The following KANK2 variants were observed in gnomAD, a reference collection of about 807,000 sequenced individuals.
KANK2 encodes the protein KN motif and ankyrin repeat domains 2.
KANK2 carries 41 observed loss-of-function variants against 74.6 expected under a neutral mutation model. The observed-to-expected ratio is 0.55, with a 90% CI of 0.43 to 0.71. The LOEUF (loss-of-function observed/expected upper bound fraction) is 0.71, where lower values mean the gene tolerates loss of function less well. Among genes scored for constraint, KANK2 ranks in the 30% least tolerant of loss-of-function variants. The pLI is 0.00. For synonymous variants in KANK2, 537 were observed against 519.0 expected (o/e 1.03, Z -0.47); for missense variants, 1,148 against 1,196.4 (o/e 0.96, Z 0.60).
intron 7 of KANK2, 78 bp from the exon 8 acceptor site, chr19:11,176,067 C>T (rs1172533230): frequency 2.6e-5 from 29 of 1,127,166 alleles, no homozygotes; most frequent in Admixed American, 1.4e-4. Context: ...TTCTGCACCA[C>T]GTCACTCACA....
Position 11,192,942 on chromosome 19 carries a change from G to A in KANK2, c.1138C>T (p.Arg380Cys), listed in dbSNP as rs144821191. The A allele has an allele frequency of 1.1e-3, 1,748 of 1,614,152 alleles. No individual in the cohort carries two copies. The highest frequency in any genetic ancestry group is 1.4e-3 in the Non-Finnish European group (1,614 of 1,180,002). Residue 380 changes from arginine to cysteine, a missense_variant, in exon 4 of 13, where the codon CGC (arginine) becomes TGC (cysteine). Transcript: ENST00000586659. ...PGRPESPPVF[R>C]SQEVVETMCP... ...ATTGTCTCCACCACCTCCTGGCTGC[G>A]GAACACAGGTGGGCTCTCAGGCCTA...
rs573182862 is a variant in KANK2, at chr19:11,188,802, T to C, written c.1249+4029A>G. Among the ~76,000 whole-genome samples, 54 of 151,924 alleles carry C rather than the reference T, an allele frequency of 3.6e-4. 1 individual carries two copies. The South Asian group carries it at 0.011, about 32-fold the overall frequency. Reference sequence around the variant, plus strand: ...TTCAAGACCAGCCTGGCCAACATAGTGAAACCCCGTCTCTACTAAAAGTAC... The same window carrying C: ...TTCAAGACCAGCCTGGCCAACATAGCGAAACCCCGTCTCTACTAAAAGTAC... On this transcript the variant is annotated intron_variant, in intron 4 of 12. Transcript: ENST00000586659.
intron 4 of KANK2, among the ~76,000 whole-genome samples, chr19:11,187,816 G>A (rs961085982): frequency 1.3e-5 from 2 of 152,110 alleles, no homozygotes; most frequent in East Asian, 1.9e-4. Context: ...AGCTGGGCAC[G>A]GTGGCACACG....
At chr19:11,174,799 A>T in intron 8 of KANK2, 107 bp from the exon 9 acceptor site, 2 of 869,426 alleles carry the variant, frequency 2.3e-6, no homozygotes, top group Non-Finnish European at 3.6e-6. Flanking sequence ...CTTGTCCTGG[A>T]AAACGATCTC....
Position 11,192,543 on chromosome 19 carries a change from T to C in KANK2, c.1249+288A>G, listed in dbSNP as rs1331749388. The C allele has an allele frequency of 1.6e-5, 6 of 376,264 alleles. No individual in the cohort carries two copies. The Admixed American group carries it at 2.2e-4, about 14-fold the overall frequency. 23.3% of individuals were successfully genotyped at this position (376,264 alleles called of 1,614,324 possible). A position where few individuals can be genotyped will look rare whatever the true frequency, so the allele number is the denominator to read the frequency against. On this transcript the variant is annotated intron_variant, in intron 4 of 12. Transcript: ENST00000586659. ...TCCGCTTCCCTAGTTCAAGCGATTC[T>C]CCTGCCTCAGCCTCCTGGGTAGCTG... is the stretch of plus-strand genomic sequence containing the variant.
rs928112400 is a variant in KANK2, at chr19:11,170,928, T to C, written c.2212-680A>G. ...CCTCCACCTCCTGGGTCCAAGCAAC[T>C]CTCCTGCCTCAGCCTCCTGAGTAGC... On this transcript the variant is annotated intron_variant, in intron 10 of 12. Transcript: ENST00000586659. This position sits in a 1 kb window ranked among gnomAD's most constrained non-coding sequence, Gnocchi z 5.2. Among the ~76,000 whole-genome samples the C allele has an allele frequency of 1.3e-5, 2 of 151,994 alleles. No homozygotes were observed. The highest frequency in any genetic ancestry group is 2.9e-5 in the Non-Finnish European group (2 of 67,986).
intron 4 of KANK2, among the ~76,000 whole-genome samples, chr19:11,180,531 G>A (rs576413196): frequency 2.4e-4 from 37 of 152,176 alleles, no homozygotes; most frequent in Middle Eastern, 3.4e-3. Flanking sequence ...TGAGACACTC[G>A]GTCATCGGCA....
In KANK2 at chr19:11,178,608, G is replaced by T. The variant is rs1279529036; in HGVS notation, c.1362C>A (p.His454Gln). 2 of 1,602,598 alleles carry T rather than the reference G, an allele frequency of 1.2e-6. No individual in the cohort carries two copies. The highest frequency in any genetic ancestry group is 4.6e-5 in the East Asian group (2 of 43,726). ...TGRVPTQEPT[H>Q]REPTRQAASQ... ...AGGCTGCTTGCCTGGTGGGCTCCCT[G>T]TGGGTGGGCTCCTGGGTGGGCACTC... Residue 454 changes from histidine to glutamine, a missense_variant, in exon 5 of 13, where the codon CAC (histidine) becomes CAA (glutamine). Coordinates refer to ENST00000586659, the MANE Select transcript of KANK2 (RefSeq NM_001136191.3).
In KANK2 at chr19:11,166,470, G is replaced by C; in HGVS notation, c.*88C>G. On this transcript the variant is annotated 3_prime_UTR_variant, in exon 13 of 13. Coordinates refer to ENST00000586659, the MANE Select transcript of KANK2 (RefSeq NM_001136191.3). ...CGTGGGCCTTGGGGAGTGTGAGTGG[G>C]GTGGGCCAGGGAGGAACGGGAACAG... 8.1e-7 allele frequency: 1 copy of C among 1,236,650 alleles called. No individual in the cohort carries two copies. The highest frequency in any genetic ancestry group is 1.2e-5 in the South Asian group (1 of 82,298). The allele number at this position is 1,236,650 out of a possible 1,614,324, so 76.6% of individuals were successfully genotyped here. A position where few individuals can be genotyped will look rare whatever the true frequency, so the allele number is the denominator to read the frequency against.
At position 11,176,742 on chromosome 19, in the gene KANK2, TG is replaced by T; in HGVS notation, c.1595del (p.Pro532GlnfsTer59). Reference protein sequence around the residue: ...SDNDSTENEAPEPRERVPSVA... With the variant: ...SDNDSTENEAXEPRERVPSVA... ...CACTCGGAACCCTCTCCCTCGGCTC[TG>T]GGGCCTCGTTCTCTGTGCTGTCGTT... On this transcript the variant is annotated frameshift_variant, in exon 7 of 13. Transcript: ENST00000586659. LOFTEE classifies it high-confidence loss of function. 1.2e-6 allele frequency: 2 copies of T among 1,608,068 alleles called. No homozygotes were observed. Among genetic ancestry groups the T allele is most frequent in the East Asian group, 2.2e-5 (1 of 44,734 alleles).
chr19:11,183,026 CTTA>C (rs2078574296), intron 4 of KANK2, among the ~76,000 whole-genome samples: 1 of 152,012 alleles, frequency 6.6e-6, no homozygotes, highest in Non-Finnish European at 1.5e-5. Context: ...ATTGATGATA[CTTA>C]TTATTGTTAT....
At chr19:11,174,828 C>T (rs2078287557) in intron 8 of KANK2, 136 bp from the exon 9 acceptor site, 1 of 686,582 alleles carries the variant, frequency 1.5e-6, no homozygotes, top group Non-Finnish European at 2.5e-6. Flanking sequence ...TGCAGACCCT[C>T]CCAAAGGGAA....
At chr19:11,179,896 C>G (rs1044057124) in intron 4 of KANK2, among the ~76,000 whole-genome samples, 1 of 152,174 alleles carries the variant, frequency 6.6e-6, no homozygotes, top group Admixed American at 6.6e-5. Flanking sequence ...GTTTCACTCC[C>G]TTCACTGAAG....
intron 6 of KANK2, among the ~76,000 whole-genome samples, chr19:11,178,136 G>A (rs570425887): frequency 8.5e-5 from 13 of 152,306 alleles, no homozygotes; most frequent in Non-Finnish European, 1.3e-4. Context: ...GCCAGGGCAC[G>A]CAGGGCTGAC....
rs1004302642 is a variant in KANK2, at chr19:11,166,140, G to A, written c.*418C>T. 5.9e-6 allele frequency: 1 copy of A among 169,892 alleles called. No homozygotes were observed. The highest frequency in any genetic ancestry group is 2.4e-5 in the African/African-American group (1 of 41,802). 10.5% of individuals were successfully genotyped at this position (169,892 alleles called of 1,614,324 possible). A position where few individuals can be genotyped will look rare whatever the true frequency, so the allele number is the denominator to read the frequency against. ...AAAATGAAAATATGCAAGTTCCAGT[G>A]ACTTTCAAATCTGGCAACAAATCCT... is the stretch of plus-strand genomic sequence containing the variant. On this transcript the variant is annotated 3_prime_UTR_variant, in exon 13 of 13. Transcript: ENST00000586659.
At chr19:11,171,508 T>C (rs2078171357) in intron 10 of KANK2, among the ~76,000 whole-genome samples, 3 of 150,444 alleles carry the variant, frequency 2.0e-5, no homozygotes, top group South Asian at 4.2e-4. Flanking sequence ...GTTAATCTTA[T>C]GTTTTGTGAA....
At chr19:11,188,206 ATTTT>A (rs34581359) in intron 4 of KANK2, among the ~76,000 whole-genome samples, 2 of 146,950 alleles carry the variant, frequency 1.4e-5, no homozygotes, top group African/African-American at 2.5e-5. Flanking sequence ...GGCCAAAATA[ATTTT>A]TTTTTTTTTT....
Position 11,194,039 on chromosome 19 carries a change from G to A in KANK2, c.41C>T (p.Thr14Ile), listed in dbSNP as rs371037014. 6.0e-5 allele frequency: 96 copies of A among 1,602,098 alleles called. No individual in the cohort carries two copies. The highest frequency in any genetic ancestry group is 8.9e-5 in the East Asian group (4 of 44,752). Reference protein sequence around the residue: ...VLHVPAPFPGTPGPASPPAFP... With the variant: ...VLHVPAPFPGIPGPASPPAFP... ...GGCAGGTGGGGAGGCTGGGCCAGGG[G>A]TCCCTGGGGATGGGAGAAACACCAG... Residue 14 changes from threonine to isoleucine, a missense_variant, in exon 4 of 13, where the codon ACC becomes ATC. Physicochemically the swap from Thr to Ile is moderately conservative, Grantham distance 89. Transcript: ENST00000586659.
chr19:11,173,183 A>G, intron 9 of KANK2, 60 bp from the exon 10 acceptor site: 1 of 1,551,898 alleles, frequency 6.4e-7, no homozygotes, highest in South Asian at 1.2e-5. Context: ...TGCCCCAAGG[A>G]ACGTGGATAC....
Sources: gnomAD v4.1 joint callset for allele counts (sites outside exome capture counted in the v4.1 genomes callset) on GRCh38, gnomAD v4.1.1 for gene constraint, Gnocchi (gnomAD v3.1) non-coding constraint, MANE v1.5 for transcripts, NCBI Gene and HGNC (gene_info 2026-07-23, HGNC 2026-07-21) for gene names.